ADGRL3: variants seen among roughly 807,000 people sequenced by gnomAD.
ADGRL3 encodes the protein adhesion G protein-coupled receptor L3, also known as calcium-independent alpha-latrotoxin receptor 3.
ADGRL3 carries 62 observed loss-of-function variants against 153.5 expected under a neutral mutation model. The ratio of observed to expected loss-of-function variants is 0.40; its 90% CI spans 0.33 to 0.50. The LOEUF is 0.50. ADGRL3 is among the 20% of genes least tolerant of loss of function. The pLI, the probability that ADGRL3 is intolerant of heterozygous loss-of-function variation, is 0.47. For synonymous variants in ADGRL3, 710 were observed against 672.5 expected, an observed-to-expected ratio of 1.06 and a Z score of -0.86; for missense variants, 1,641 against 1,859.4, an observed-to-expected ratio of 0.88 and a Z score of 2.16.
chr4:61,814,467 C>T (rs1057155424), intron 9 of ADGRL3, among the ~76,000 whole-genome samples: 1 of 151,928 alleles, frequency 6.6e-6, no homozygotes, highest in African/African-American at 2.4e-5. Flanking sequence ...AATCTAAATA[C>T]AAATTTAATC....
chr4:61,498,850 G>A (rs2152816382), intron 3 of ADGRL3, among the ~76,000 whole-genome samples: 1 of 152,100 alleles, frequency 6.6e-6, no homozygotes, highest in Admixed American at 6.5e-5. Context: ...AAGTCTATAT[G>A]TATGTTCCTC....
intron 9 of ADGRL3, among the ~76,000 whole-genome samples, chr4:61,859,834 C>T (rs1018667836): frequency 1.3e-5 from 2 of 152,104 alleles, no homozygotes; most frequent in Admixed American, 1.3e-4. Context: ...GTTTTCTCAT[C>T]AGGAAAACCA....
intron 8 of ADGRL3, among the ~76,000 whole-genome samples, chr4:61,807,618 C>T (rs1374498048): frequency 6.6e-6 from 1 of 152,080 alleles, no homozygotes; most frequent in Non-Finnish European, 1.5e-5. Context: ...TCATCTCTTT[C>T]AGATTAGTTG....
At chr4:61,271,694 C>A (rs2093187558) in intron 1 of ADGRL3, among the ~76,000 whole-genome samples, 1 of 151,886 alleles carries the variant, frequency 6.6e-6, no homozygotes, top group South Asian at 2.1e-4. Context: ...TCATGGCCAG[C>A]CCAGAATTAA....
intron 1 of ADGRL3, among the ~76,000 whole-genome samples, chr4:61,257,676 G>T (rs2092105821): frequency 1.3e-5 from 2 of 152,146 alleles, no homozygotes; most frequent in Admixed American, 1.3e-4. Context: ...ATGTGTTTTG[G>T]TAGATATGAT....
intron 6 of ADGRL3, among the ~76,000 whole-genome samples, chr4:61,687,596 T>G (rs2151074646): frequency 6.6e-6 from 1 of 152,178 alleles, no homozygotes; most frequent in African/African-American, 2.4e-5. Context: ...AAAGTCATTT[T>G]ACATTCATTT....
chr4:61,609,286 ACCT>A (rs1430741902), intron 5 of ADGRL3, among the ~76,000 whole-genome samples: 3 of 152,210 alleles, frequency 2.0e-5, no homozygotes, highest in African/African-American at 7.2e-5. Flanking sequence ...GTTATTCCTC[ACCT>A]CCTAAAAAAA....
At chr4:61,395,029 G>T (rs985175647) in intron 2 of ADGRL3, among the ~76,000 whole-genome samples, 2 of 151,970 alleles carry the variant, frequency 1.3e-5, no homozygotes, top group Non-Finnish European at 2.9e-5. Flanking sequence ...CACAAATGAA[G>T]AAATCTTCAG....
chr4:61,483,601 G>A (rs994427309), intron 2 of ADGRL3, among the ~76,000 whole-genome samples: 22 of 151,954 alleles, frequency 1.4e-4, no homozygotes, highest in Non-Finnish European at 2.4e-4. Context: ...GCTGGGCATG[G>A]TGGCGCATGC....
chr4:61,769,778 C>A (rs2097059815), intron 8 of ADGRL3, among the ~76,000 whole-genome samples: 1 of 144,336 alleles, frequency 6.9e-6, no homozygotes, highest in Admixed American at 7.1e-5. Context: ...GAGTGGGGGT[C>A]GCAAGGTGCT....
At chr4:61,677,941 ACAATT>A in intron 6 of ADGRL3, among the ~76,000 whole-genome samples, 1 of 152,156 alleles carries the variant, frequency 6.6e-6, no homozygotes, top group East Asian at 1.9e-4. Flanking sequence ...AATAGTGAAA[ACAATT>A]CAGAGAAAAT....
intron 3 of ADGRL3, among the ~76,000 whole-genome samples, chr4:61,515,101 C>T (rs964650085): frequency 2.0e-5 from 3 of 152,098 alleles, no homozygotes; most frequent in East Asian, 3.9e-4. Flanking sequence ...TAAAACTAAG[C>T]TCTTTACCCT....
rs528646505 is a variant in ADGRL3, at chr4:61,615,566, G to A, written c.473+28126G>A. On this transcript the variant is annotated intron_variant, in intron 5 of 26. Transcript: ENST00000683033. ...AGTGTGAGAAAGAATTTTATACGTC[G>A]GTTGGAATATTGTGTGTGTGTGTGT... Among the ~76,000 whole-genome samples the A allele has an allele frequency of 6.9e-5, 9 of 131,000 alleles. No individual in the cohort carries two copies. The South Asian group carries it at 2.3e-3, about 33-fold the overall frequency. 85.9% of individuals were successfully genotyped at this position (131,000 alleles called of 152,430 possible).
intron 5 of ADGRL3, among the ~76,000 whole-genome samples, chr4:61,605,217 T>C (rs1247094766): frequency 6.7e-6 from 1 of 148,952 alleles, no homozygotes; most frequent in Non-Finnish European, 1.5e-5. Context: ...AAAATGGAAA[T>C]CAGAAGTAAA....
chr4:61,920,460 C>T (rs1026380825), intron 13 of ADGRL3, among the ~76,000 whole-genome samples: 1 of 152,128 alleles, frequency 6.6e-6, no homozygotes, highest in East Asian at 1.9e-4. Flanking sequence ...CAGGACTGCT[C>T]CCAGAGTTAC....
intron 5 of ADGRL3, among the ~76,000 whole-genome samples, chr4:61,621,090 G>A (rs542132430): frequency 6.6e-6 from 1 of 152,050 alleles, no homozygotes; most frequent in East Asian, 1.9e-4. Flanking sequence ...ACTCTTTAGA[G>A]GACTTACCTT....
intron 24 of ADGRL3, among the ~76,000 whole-genome samples, chr4:62,041,042 C>G (rs767254010): frequency 2.0e-5 from 3 of 151,998 alleles, no homozygotes; most frequent in Admixed American, 1.3e-4. Flanking sequence ...AGGGAAGAGA[C>G]AGATCCCTAG....
chr4:61,224,140 T>C (rs1171382872), intron 1 of ADGRL3, among the ~76,000 whole-genome samples: 2 of 152,264 alleles, frequency 1.3e-5, no homozygotes, highest in African/African-American at 2.4e-5. Context: ...AAAATCAGAT[T>C]TGATGAAAAT....
chr4:61,532,555 C>CGCGCGCGCGCGT (rs760218872), intron 4 of ADGRL3, among the ~76,000 whole-genome samples: 1 of 131,438 alleles, frequency 7.6e-6, no homozygotes, highest in Non-Finnish European at 1.6e-5. Context: ...CGCGCGCGCG[C>CGCGCGCGCGCGT]GTGTGTGTGT....
Sources: gnomAD v4.1 joint callset for allele counts (sites outside exome capture counted in the v4.1 genomes callset) on GRCh38, gnomAD v4.1.1 for gene constraint, MANE v1.5 for transcripts, NCBI Gene and HGNC (gene_info 2026-07-23, HGNC 2026-07-21) for gene names.